The following RRP1B variants were observed in gnomAD, a reference collection of about 807,000 sequenced individuals.
The protein encoded by RRP1B is ribosomal RNA processing 1B, also known as ribosomal RNA processing protein 1 homolog B.
Under a neutral mutation model 80.2 loss-of-function variants are expected in RRP1B, and 56 were observed. The observed-to-expected ratio is 0.70, with a 90% CI of 0.56 to 0.87. RRP1B has a LOEUF of 0.87. Among genes scored for constraint, RRP1B ranks in the 40% least tolerant of loss-of-function variants. The pLI, the probability that RRP1B is intolerant of heterozygous loss-of-function variation, is 0.00. For missense variants in RRP1B, 807 were observed against 939.8 expected (o/e 0.86, Z 1.85); for synonymous variants, 351 against 357.6 (o/e 0.98, Z 0.21).
At position 43,695,259 on chromosome 21, in the gene RRP1B, C is replaced by T. The variant is rs1342773238; in HGVS notation, c.*1876C>T. The T allele has an allele frequency of 1.3e-5, 2 of 151,808 alleles. No individual in the cohort carries two copies. Among genetic ancestry groups the T allele is most frequent in the African/African-American group, 4.8e-5 (2 of 41,314 alleles). The allele number at this position is 151,808 out of a possible 1,614,324, so 9.4% of individuals were successfully genotyped here. A position where few individuals can be genotyped will look rare whatever the true frequency, so the allele number is the denominator to read the frequency against. On this transcript the variant is annotated 3_prime_UTR_variant, in exon 16 of 16. Coordinates refer to ENST00000340648, the MANE Select transcript of RRP1B (RefSeq NM_015056.3). Reference sequence around the variant, plus strand: ...TTTAAAGATGGGTCATATAGCCAAACGGGCCATATAATCCAACATTGTTGA... The same window carrying T: ...TTTAAAGATGGGTCATATAGCCAAATGGGCCATATAATCCAACATTGTTGA...
chr21:43,668,103 T>TGG (rs2082985498), intron 1 of RRP1B, among the ~76,000 whole-genome samples: 1 of 151,186 alleles, frequency 6.6e-6, no homozygotes, highest in Non-Finnish European at 1.5e-5. Context: ...CAGCTACTCT[T>TGG]GAGGCTGAGG....
chr21:43,686,724 G>A (rs1478489158), intron 11 of RRP1B, 80 bp from the exon 12 acceptor site: 2 of 1,522,416 alleles, frequency 1.3e-6, no homozygotes, highest in Non-Finnish European at 1.8e-6. Context: ...GCAGAAATTG[G>A]GAGGGGTGCT....
At chr21:43,666,593 G>C (rs541703305) in intron 1 of RRP1B, among the ~76,000 whole-genome samples, 1 of 151,980 alleles carries the variant, frequency 6.6e-6, no homozygotes, top group Non-Finnish European at 1.5e-5. Context: ...TGGCAGGTGC[G>C]TGTAATCCCA....
rs1218289388 is a variant in RRP1B, at chr21:43,695,650, T to C, written c.*2267T>C. ...CATAAAGAAAATGTGTTTAGAATAC[T>C]GGTTTTCTATTTACGCATGATATTT... On this transcript the variant is annotated 3_prime_UTR_variant, in exon 16 of 16. Transcript: ENST00000340648. 6.6e-6 allele frequency: 1 copy of C among 152,248 alleles called. No individual in the cohort carries two copies. Among genetic ancestry groups the C allele is most frequent in the Non-Finnish European group, 1.5e-5 (1 of 68,040 alleles). The allele number at this position is 152,248 out of a possible 1,614,324, so 9.4% of individuals were successfully genotyped here. A position where few individuals can be genotyped will look rare whatever the true frequency, so the allele number is the denominator to read the frequency against.
intron 8 of RRP1B, among the ~76,000 whole-genome samples, chr21:43,682,115 A>T (rs2083045942): frequency 6.6e-6 from 1 of 152,218 alleles, no homozygotes; most frequent in African/African-American, 2.4e-5. Context: ...AACAAAACGA[A>T]AAAAAGAAAT....
chr21:43,691,120 T>C lies in RRP1B; in HGVS notation c.2020-319T>C, dbSNP rs1195143566. 1.3e-5 allele frequency among the ~76,000 whole-genome samples: 2 copies of C among 152,164 alleles called. No individual in the cohort carries two copies. Among genetic ancestry groups the C allele is most frequent in the African/African-American group, 4.8e-5 (2 of 41,436 alleles). ...AGGCATCCTCTCTGTTTGCCTTTCT[T>C]CCCTGGATCGTAGAACCCTGCAGCG... On this transcript the variant is annotated intron_variant, in intron 14 of 15. Coordinates refer to ENST00000340648, the MANE Select transcript of RRP1B (RefSeq NM_015056.3). This position sits in a 1 kb window ranked among gnomAD's most constrained non-coding sequence, Gnocchi z 4.2.
chr21:43,680,325 G>A (rs148205408), intron 8 of RRP1B, among the ~76,000 whole-genome samples: 4,846 of 152,068 alleles, frequency 0.032, 274 homozygotes, highest in African/African-American at 0.11. Context: ...TTTGGGAGGC[G>A]GAGACAGGTG....
rs1473820204 is a variant in RRP1B, at chr21:43,675,083, G to A, written c.469G>A (p.Glu157Lys). 1.9e-6 allele frequency: 3 copies of A among 1,614,138 alleles called. No homozygotes were observed. Residue 157 changes from glutamate to lysine, a missense_variant, in exon 6 of 16, where the codon GAG becomes AAG. Glu to Lys is a moderately conservative substitution (Grantham distance 56). Transcript: ENST00000340648. ...DVLMKEVLCP[E>K]SQSPNGVRFH... is the part of the protein sequence containing the mutation. ...CCTGATGAAGGAGGTCCTGTGTCCTGAGAGTCAGTCTCCTAATGGAGTGAG... is the reference window on the plus strand; with the variant it reads ...CCTGATGAAGGAGGTCCTGTGTCCTAAGAGTCAGTCTCCTAATGGAGTGAG...
At chr21:43,670,933 T>C (rs2082997030) in intron 2 of RRP1B, among the ~76,000 whole-genome samples, 1 of 152,234 alleles carries the variant, frequency 6.6e-6, no homozygotes, top group South Asian at 2.1e-4. Context: ...TTTATTTTTA[T>C]TTTACTGAAC....
rs1330971870 is a variant in RRP1B, at chr21:43,690,283, C to T, written c.1867-5C>T. ...TCCTCCGCTTCTCACCCCTCGCTCA[C>T]GTAGGGAAGCAGTGGGACTTGCAGT... On this transcript the variant is annotated splice_polypyrimidine_tract_variant and splice_region_variant and intron_variant, in intron 13 of 15. Coordinates refer to ENST00000340648, the MANE Select transcript of RRP1B (RefSeq NM_015056.3). The T allele has an allele frequency of 2.5e-6, 4 of 1,613,930 alleles. No homozygotes were observed. Among genetic ancestry groups the T allele is most frequent in the African/African-American group, 1.3e-5 (1 of 74,944 alleles).
intron 1 of RRP1B, among the ~76,000 whole-genome samples, chr21:43,663,097 T>C (rs2082964549): frequency 6.6e-6 from 1 of 152,216 alleles, no homozygotes. Flanking sequence ...AAATAGAAGT[T>C]GTGGATGTTC....
intron 1 of RRP1B, 106 bp from the exon 2 acceptor site, chr21:43,669,778 G>A (rs577136501): frequency 1.3e-4 from 96 of 727,614 alleles, no homozygotes; most frequent in South Asian, 7.9e-4. Context: ...TTAAAAAGAC[G>A]TGCAAACGAA....
At chr21:43,663,166 T>C (rs2082964802) in intron 1 of RRP1B, among the ~76,000 whole-genome samples, 1 of 152,250 alleles carries the variant, frequency 6.6e-6, no homozygotes, top group Non-Finnish European at 1.5e-5. Context: ...GCTTCTGGGC[T>C]CATTGCGTGG....
In RRP1B at chr21:43,691,067, CAGT is replaced by C. The variant is rs1018977385; in HGVS notation, c.2020-371_2020-369del. Among the ~76,000 whole-genome samples, 26 of 152,276 alleles carry C rather than the reference CAGT, an allele frequency of 1.7e-4. No homozygotes were observed. Among genetic ancestry groups the C allele is most frequent in the Middle Eastern group, 3.4e-3 (1 of 294 alleles). On this transcript the variant is annotated intron_variant, in intron 14 of 15. Coordinates refer to ENST00000340648, the MANE Select transcript of RRP1B (RefSeq NM_015056.3). The surrounding 1 kb of genome is among the most constrained non-coding windows in gnomAD (Gnocchi z 4.2). ...CTTGGCATTTTTCCTCACGGGTTCT[CAGT>C]GGTGAACTGTTTTTAGGACAGTTCA...
intron 1 of RRP1B, among the ~76,000 whole-genome samples, chr21:43,664,096 T>C (rs1028482809): frequency 9.2e-5 from 14 of 152,164 alleles, no homozygotes; most frequent in African/African-American, 3.1e-4. Context: ...ATTAGATTCC[T>C]AGGTGAACAC....
In RRP1B at chr21:43,659,858, G is replaced by A. The variant is rs2082941719; in HGVS notation, c.130+64G>A. ...GCCGGGGGCCGGGGCTGGGGCTAGG[G>A]CCAGGGCCCCGGCACGGAATGCGGC... On this transcript the variant is annotated intron_variant, in intron 1 of 15. Coordinates refer to ENST00000340648, the MANE Select transcript of RRP1B (RefSeq NM_015056.3). The surrounding 1 kb of genome is among the most constrained non-coding windows in gnomAD (Gnocchi z 4.2). 2 of 1,403,448 alleles carry A rather than the reference G, an allele frequency of 1.4e-6. No individual in the cohort carries two copies. Among genetic ancestry groups the A allele is most frequent in the African/African-American group, 1.5e-5 (1 of 65,942 alleles). The allele number at this position is 1,403,448 out of a possible 1,614,324, so 86.9% of individuals were successfully genotyped here. A position where few individuals can be genotyped will look rare whatever the true frequency, so the allele number is the denominator to read the frequency against.
chr21:43,684,138 C>T (rs1401782245), intron 9 of RRP1B, among the ~76,000 whole-genome samples: 4 of 148,142 alleles, frequency 2.7e-5, no homozygotes, highest in Admixed American at 2.7e-4. Flanking sequence ...GTGGCTCGAT[C>T]TCGGCTCACT....
chr21:43,673,384 A>G (rs1230284133), intron 3 of RRP1B, among the ~76,000 whole-genome samples: 1 of 152,224 alleles, frequency 6.6e-6, no homozygotes, highest in Non-Finnish European at 1.5e-5. Context: ...CTGTAATCCC[A>G]GCACTTTGGG....
At chr21:43,668,296 A>G (rs1298639803) in intron 1 of RRP1B, among the ~76,000 whole-genome samples, 1 of 152,036 alleles carries the variant, frequency 6.6e-6, no homozygotes, top group African/African-American at 2.4e-5. Context: ...ATACCTGTAA[A>G]TTAAGGTTAA....
Sources: allele counts gnomAD v4.1 joint callset (sites outside exome capture counted in the v4.1 genomes callset), GRCh38; gene constraint gnomAD v4.1.1; non-coding constraint Gnocchi (gnomAD v3.1); transcripts MANE v1.5; gene names NCBI Gene and HGNC (gene_info 2026-07-23, HGNC 2026-07-21).